The following RAD54B variants were observed in gnomAD, a reference collection of about 807,000 sequenced individuals.
RAD54B encodes the protein RAD54 homolog B, also known as DNA repair and recombination protein RAD54B.
A neutral mutation model predicts 95.8 loss-of-function variants in RAD54B; 78 were observed. The observed-to-expected ratio is 0.81, with a 90% CI of 0.68 to 0.98. The LOEUF (loss-of-function observed/expected upper bound fraction) is 0.98, where lower values mean the gene tolerates loss of function less well. Ranked by LOEUF, RAD54B falls within the 50% of genes least tolerant of loss-of-function variation. The pLI is 0.00. For missense variants in RAD54B, 957 were observed against 1,056.6 expected, an observed-to-expected ratio of 0.91 and a Z score of 1.31; for synonymous variants, 328 against 354.9, an observed-to-expected ratio of 0.92 and a Z score of 0.85.
intron 10 of RAD54B, among the ~76,000 whole-genome samples, chr8:94,390,518 A>G (rs1810991327): frequency 6.7e-6 from 1 of 149,180 alleles, no homozygotes; most frequent in South Asian, 2.1e-4. Context: ...AAATAAATAA[A>G]CAAATAAATA....
chr8:94,451,831 G>T (rs74499470), intron 3 of RAD54B, among the ~76,000 whole-genome samples: 414 of 151,718 alleles, frequency 2.7e-3, no homozygotes, highest in African/African-American at 9.6e-3. Flanking sequence ...AAGACACGAT[G>T]ACTAAATACA....
At chr8:94,375,360 T>C (rs1196100201) in intron 14 of RAD54B, among the ~76,000 whole-genome samples, 2 of 152,196 alleles carry the variant, frequency 1.3e-5, no homozygotes, top group African/African-American at 2.4e-5. Context: ...GATTGAATCA[T>C]GGGGGCAGGT....
At chr8:94,420,577 C>A (rs1423017613) in intron 3 of RAD54B, among the ~76,000 whole-genome samples, 4 of 151,930 alleles carry the variant, frequency 2.6e-5, no homozygotes, top group Admixed American at 2.0e-4. Flanking sequence ...CCTTTCTCCA[C>A]AGTAAATCAT....
chr8:94,384,064 T>C (rs962646330), intron 11 of RAD54B, among the ~76,000 whole-genome samples: 5 of 152,148 alleles, frequency 3.3e-5, no homozygotes, highest in African/African-American at 1.2e-4. Context: ...CAAACCAACA[T>C]GGCACATGTA....
chr8:94,422,191 G>A (rs1811820366), intron 3 of RAD54B, among the ~76,000 whole-genome samples: 1 of 152,028 alleles, frequency 6.6e-6, no homozygotes, highest in Non-Finnish European at 1.5e-5. Context: ...AGTATGTTTT[G>A]ATTTGTTCAT....
At chr8:94,470,520 G>A (rs112669991) in intron 1 of RAD54B, among the ~76,000 whole-genome samples, 36,898 of 151,018 alleles carry the variant, frequency 0.24, 5,539 homozygotes, top group East Asian at 0.43. Context: ...ACTTGAACCC[G>A]GGAGGCAGAG....
chr8:94,438,466 G>T (rs977478869), intron 3 of RAD54B, among the ~76,000 whole-genome samples: 1 of 151,986 alleles, frequency 6.6e-6, no homozygotes, highest in Non-Finnish European at 1.5e-5. Flanking sequence ...AAAGAAAATC[G>T]ACCTGCCCCA....
chr8:94,464,963 C>T (rs946375084), intron 2 of RAD54B, among the ~76,000 whole-genome samples: 3 of 151,966 alleles, frequency 2.0e-5, no homozygotes, highest in African/African-American at 7.3e-5. Flanking sequence ...GGACTCAGAG[C>T]GAAAACTCAC....
In RAD54B at chr8:94,391,642, G is replaced by A; in HGVS notation, c.1776C>T (p.Cys592=). 1 of 1,613,704 alleles carries A rather than the reference G, an allele frequency of 6.2e-7. No homozygotes were observed. The highest frequency in any genetic ancestry group is 1.1e-5 in the South Asian group (1 of 91,022). The change falls in exon 10 of 15, where the codon TGC becomes TGT. Residue 592 remains cysteine (C), a synonymous_variant. Transcript: ENST00000336148. ...AGTTGAACAAAAGGCAGGGGTGATTGCACAGTTTTTTAAGAGCTCCTATAC... is the reference window on the plus strand; with the variant it reads ...AGTTGAACAAAAGGCAGGGGTGATTACACAGTTTTTTAAGAGCTCCTATAC... ...LICIGALKKL[C]NHPCLLFNSI...
intron 8 of RAD54B, 82 bp downstream of exon 8, chr8:94,399,332 T>TTG: frequency 9.3e-7 from 1 of 1,077,180 alleles, no homozygotes; most frequent in South Asian, 1.4e-5. Flanking sequence ...CACCAGTTAT[T>TTG]TGAATGTTAA....
chr8:94,418,694 G>T (rs886577366), intron 3 of RAD54B, among the ~76,000 whole-genome samples: 1 of 152,068 alleles, frequency 6.6e-6, no homozygotes, highest in Non-Finnish European at 1.5e-5. Flanking sequence ...TGAGAACGTC[G>T]AATAAATGGA....
chr8:94,386,449 T>C (rs1358412020), intron 11 of RAD54B, among the ~76,000 whole-genome samples: 2 of 152,074 alleles, frequency 1.3e-5, no homozygotes, highest in Non-Finnish European at 2.9e-5. Context: ...AAAATAAAGA[T>C]GTAGAAATTA....
chr8:94,456,815 T>C (rs997938551), intron 3 of RAD54B, among the ~76,000 whole-genome samples: 4 of 152,312 alleles, frequency 2.6e-5, no homozygotes, highest in East Asian at 1.9e-4. Context: ...CAATCCACCA[T>C]AGAGAACAAA....
intron 3 of RAD54B, among the ~76,000 whole-genome samples, chr8:94,425,853 A>C (rs936827919): frequency 1.3e-5 from 2 of 151,864 alleles, no homozygotes; most frequent in African/African-American, 4.8e-5. Flanking sequence ...ATATTCCCAG[A>C]TATCTAAATT....
At chr8:94,437,346 T>G (rs1206016251) in intron 3 of RAD54B, among the ~76,000 whole-genome samples, 6 of 152,210 alleles carry the variant, frequency 3.9e-5, no homozygotes, top group Admixed American at 3.9e-4. Context: ...CTAAAAGATA[T>G]GAGTAGTGAA....
chr8:94,465,874 T>C (rs1813012747), intron 2 of RAD54B, among the ~76,000 whole-genome samples: 1 of 152,188 alleles, frequency 6.6e-6, no homozygotes, highest in Non-Finnish European at 1.5e-5. Flanking sequence ...GGATGAACCT[T>C]GAAAACATTA....
intron 10 of RAD54B, among the ~76,000 whole-genome samples, chr8:94,389,585 A>C (rs905052999): frequency 2.0e-5 from 3 of 152,174 alleles, no homozygotes; most frequent in African/African-American, 7.2e-5. Context: ...TTCAATTATG[A>C]GTTATGATAT....
intron 3 of RAD54B, among the ~76,000 whole-genome samples, 166 bp from the exon 4 acceptor site, chr8:94,411,481 C>A (rs1563646638): frequency 6.6e-6 from 1 of 151,876 alleles, no homozygotes; most frequent in East Asian, 1.9e-4. Context: ...CTAAGAAATC[C>A]AAATATCAGG....
At chr8:94,376,209 T>C (rs1392722204) in intron 14 of RAD54B, among the ~76,000 whole-genome samples, 1 of 152,136 alleles carries the variant, frequency 6.6e-6, no homozygotes, top group African/African-American at 2.4e-5. Flanking sequence ...AAAGAATCCA[T>C]ATCATGTAGT....
Sources: allele counts gnomAD v4.1 joint callset (sites outside exome capture counted in the v4.1 genomes callset), GRCh38; gene constraint gnomAD v4.1.1; transcripts MANE v1.5; gene names NCBI Gene and HGNC (gene_info 2026-07-23, HGNC 2026-07-21).